SLC24A2: variants seen among roughly 807,000 people sequenced by gnomAD.
The protein encoded by SLC24A2 is solute carrier family 24 member 2.
In SLC24A2, 36 loss-of-function variants were observed where a neutral mutation model predicts 62.0. The ratio of observed to expected loss-of-function variants is 0.58; its 90% CI spans 0.44 to 0.77. SLC24A2 has a LOEUF of 0.77. Ranked by LOEUF, SLC24A2 falls within the 30% of genes least tolerant of loss-of-function variation. The pLI, the probability that SLC24A2 is intolerant of heterozygous loss-of-function variation, is 0.00. For synonymous variants in SLC24A2, 358 were observed against 294.0 expected, an observed-to-expected ratio of 1.22 and a Z score of -2.23; for missense variants, 846 against 817.9, an observed-to-expected ratio of 1.03 and a Z score of -0.42.
the SLC24A2 span, among the ~76,000 whole-genome samples, chr9:20,015,963 C>T: frequency 4.0e-3 from 613 of 152,270 alleles, 3 homozygotes; most frequent in South Asian, 0.022. Context: ...CCATGTACAG[C>T]TTTAGCTATT....
At chr9:20,257,123 G>A in the SLC24A2 span, among the ~76,000 whole-genome samples, 1 of 152,066 alleles carries the variant, frequency 6.6e-6, no homozygotes, top group Non-Finnish European at 1.5e-5. Flanking sequence ...AATTGGTTGT[G>A]GGTCTTCTGA....
At chr9:20,186,346 T>A in the SLC24A2 span, among the ~76,000 whole-genome samples, 1 of 152,190 alleles carries the variant, frequency 6.6e-6, no homozygotes, top group Non-Finnish European at 1.5e-5. Flanking sequence ...TAGTGTCTCT[T>A]CTGACCATTC....
At chr9:20,231,987 G>A in the SLC24A2 span, among the ~76,000 whole-genome samples, 1 of 152,154 alleles carries the variant, frequency 6.6e-6, no homozygotes, top group Non-Finnish European at 1.5e-5. Flanking sequence ...CATCTATTGA[G>A]ATAATCATGT....
At chr9:20,231,608 T>G in the SLC24A2 span, among the ~76,000 whole-genome samples, 62 of 152,346 alleles carry the variant, frequency 4.1e-4, no homozygotes, top group Admixed American at 8.5e-4. Flanking sequence ...TTGCTGAAGT[T>G]GCTTATCAGC....
At chr9:19,996,543 C>G in the SLC24A2 span, among the ~76,000 whole-genome samples, 3 of 151,966 alleles carry the variant, frequency 2.0e-5, no homozygotes, top group African/African-American at 4.8e-5. Context: ...AGTTCAAGAC[C>G]AGCCTGGCCA....
intron 2 of SLC24A2, among the ~76,000 whole-genome samples, chr9:19,659,567 G>A (rs1819035452): frequency 6.6e-6 from 1 of 152,048 alleles, no homozygotes; most frequent in Admixed American, 6.6e-5. Flanking sequence ...AAACTCAAAC[G>A]CTTATCCTTT....
At chr9:20,109,309 C>A in the SLC24A2 span, among the ~76,000 whole-genome samples, 2 of 152,162 alleles carry the variant, frequency 1.3e-5, no homozygotes, top group African/African-American at 4.8e-5. Context: ...ACATAGCAAG[C>A]CTGAGACTGC....
At chr9:19,942,899 A>C in the SLC24A2 span, among the ~76,000 whole-genome samples, 3 of 152,178 alleles carry the variant, frequency 2.0e-5, no homozygotes, top group Admixed American at 2.0e-4. Context: ...AAAATTCACT[A>C]TCTCCTCCAC....
At chr9:20,217,023 T>A in the SLC24A2 span, among the ~76,000 whole-genome samples, 4 of 151,942 alleles carry the variant, frequency 2.6e-5, no homozygotes, top group Non-Finnish European at 1.5e-5. Context: ...TCACCAAAAG[T>A]CAAGAAGAAA....
intron 2 of SLC24A2, among the ~76,000 whole-genome samples, chr9:19,763,683 G>A (rs1822417948): frequency 6.6e-6 from 1 of 152,176 alleles, no homozygotes; most frequent in African/African-American, 2.4e-5. Context: ...TGGTGGATAA[G>A]CTTTTTAATG....
chr9:19,865,826 A>G, the SLC24A2 span, among the ~76,000 whole-genome samples: 10 of 152,322 alleles, frequency 6.6e-5, no homozygotes, highest in East Asian at 1.9e-3. Flanking sequence ...AGCACAGGCA[A>G]CCAAAGCAAA....
chr9:20,178,320 C>T, the SLC24A2 span, among the ~76,000 whole-genome samples: 14 of 152,118 alleles, frequency 9.2e-5, no homozygotes, highest in African/African-American at 2.9e-4. Flanking sequence ...CTCCTGTCCT[C>T]GGGTGCTAGA....
the SLC24A2 span, among the ~76,000 whole-genome samples, chr9:19,857,453 A>T: frequency 1.3e-5 from 2 of 152,196 alleles, no homozygotes; most frequent in Non-Finnish European, 2.9e-5. Context: ...GAGGGCCATT[A>T]TTCAGTCTAT....
intron 4 of SLC24A2, among the ~76,000 whole-genome samples, chr9:19,603,602 G>C (rs1233210045): frequency 3.3e-5 from 5 of 152,084 alleles, no homozygotes; most frequent in Non-Finnish European, 4.4e-5. Context: ...CTTCAATTCT[G>C]TCTTTTCTGC....
At chr9:20,163,019 A>G in the SLC24A2 span, among the ~76,000 whole-genome samples, 1 of 152,166 alleles carries the variant, frequency 6.6e-6, no homozygotes, top group Admixed American at 6.6e-5. Flanking sequence ...CTCACAGCCA[A>G]TATCATACCG....
the SLC24A2 span, among the ~76,000 whole-genome samples, chr9:20,228,226 T>G: frequency 2.0e-5 from 3 of 152,144 alleles, no homozygotes; most frequent in African/African-American, 7.2e-5. Flanking sequence ...AAATTTCCTC[T>G]TAGTAGAAGA....
chr9:19,871,255 T>C, the SLC24A2 span, among the ~76,000 whole-genome samples: 1 of 152,218 alleles, frequency 6.6e-6, no homozygotes, highest in Non-Finnish European at 1.5e-5. Flanking sequence ...TGTTGTTGAC[T>C]GAACATAATT....
At chr9:20,222,515 A>G in the SLC24A2 span, among the ~76,000 whole-genome samples, 2 of 152,144 alleles carry the variant, frequency 1.3e-5, no homozygotes, top group Non-Finnish European at 2.9e-5. Context: ...CTAATTTTAT[A>G]TCAATGTTTG....
the SLC24A2 span, among the ~76,000 whole-genome samples, chr9:20,208,058 C>G: frequency 6.6e-6 from 1 of 151,940 alleles, no homozygotes; most frequent in African/African-American, 2.4e-5. Flanking sequence ...AAATATCACA[C>G]AAGTAAGTAT....
Sources: allele counts gnomAD v4.1 joint callset (sites outside exome capture counted in the v4.1 genomes callset), GRCh38; gene constraint gnomAD v4.1.1; transcripts MANE v1.5; gene names NCBI Gene and HGNC (gene_info 2026-07-23, HGNC 2026-07-21).